The following GABRA3 variants were observed in gnomAD, a reference collection of about 807,000 sequenced individuals.
GABRA3 encodes the protein gamma-aminobutyric acid receptor subunit alpha-3.
In GABRA3, 10 loss-of-function variants were observed where a neutral mutation model predicts 30.1. The ratio of observed to expected loss-of-function variants is 0.33; its 90% CI spans 0.20 to 0.56. The LOEUF (loss-of-function observed/expected upper bound fraction) is 0.56, where lower values mean the gene tolerates loss of function less well. Ranked by LOEUF, GABRA3 falls within the 20% of genes least tolerant of loss-of-function variation. The pLI, the probability that GABRA3 is intolerant of heterozygous loss-of-function variation, is 0.89. For synonymous variants in GABRA3, 151 were observed against 146.8 expected (o/e 1.03, Z -0.21); for missense variants, 233 against 392.0 (o/e 0.59, Z 3.42).
At chrX:152,324,720 A>C (rs1282668194) in intron 3 of GABRA3, among the ~76,000 whole-genome samples, 1 of 111,942 alleles carries the variant, frequency 8.9e-6, no homozygotes, top group Non-Finnish European at 1.9e-5. Context: ...CAATACATTG[A>C]ATAAAAGAAA....
intron 4 of GABRA3, among the ~76,000 whole-genome samples, chrX:152,258,134 A>T (rs935353723): frequency 1.8e-5 from 2 of 112,119 alleles, no homozygotes; most frequent in South Asian, 7.4e-4. Flanking sequence ...ACTTCATATA[A>T]CATAATTATC....
intron 3 of GABRA3, among the ~76,000 whole-genome samples, chrX:152,343,654 G>C: frequency 9.0e-6 from 1 of 110,986 alleles, no homozygotes; most frequent in Middle Eastern, 4.7e-3. Context: ...CAATTAATTT[G>C]TGACTGGTCT....
intron 1 of GABRA3, among the ~76,000 whole-genome samples, chrX:152,383,740 G>A (rs1415272334): frequency 1.9e-5 from 2 of 107,615 alleles, no homozygotes; most frequent in African/African-American, 6.7e-5. Flanking sequence ...CAAACCTGCA[G>A]CTAACATCAT....
At chrX:152,287,528 G>C (rs918608381) in intron 3 of GABRA3, among the ~76,000 whole-genome samples, 40 of 111,503 alleles carry the variant, frequency 3.6e-4, no homozygotes, top group African/African-American at 1.3e-3. Context: ...CACAGTGATT[G>C]TAAGTTTCTT....
rs573955135 is a variant in GABRA3 at position 152,415,737 on chromosome X, G to C, written c.-27+35409C>G. On this transcript the variant is annotated intron_variant, in intron 1 of 9. Coordinates refer to ENST00000370314, the MANE Select transcript of GABRA3 (RefSeq NM_000808.4). Reference sequence around the variant, plus strand: ...GGTGACTCTAAGTAAAAAGTTTATAGGTCTCTATGTACTTCCCATGAGTTT... The same window carrying C: ...GGTGACTCTAAGTAAAAAGTTTATACGTCTCTATGTACTTCCCATGAGTTT... Among the ~76,000 whole-genome samples the C allele has an allele frequency of 2.7e-5, 3 of 111,157 alleles. No individual in the cohort carries two copies. In the East Asian group the frequency reaches 8.5e-4, roughly 31 times the overall value.
chrX:152,185,405 C>T (rs759451251), intron 9 of GABRA3, among the ~76,000 whole-genome samples: 7 of 111,382 alleles, frequency 6.3e-5, no homozygotes, highest in Non-Finnish European at 1.3e-4. Context: ...AAAATTTTAG[C>T]ACTTTTTAAA....
chrX:152,390,293 C>G (rs1040563293), intron 1 of GABRA3, among the ~76,000 whole-genome samples: 1 of 111,648 alleles, frequency 9.0e-6, no homozygotes, highest in African/African-American at 3.3e-5. Flanking sequence ...CAGAAACTGA[C>G]AGCAATGACA....
chrX:152,291,647 T>G (rs1939420244), intron 3 of GABRA3, among the ~76,000 whole-genome samples: 2 of 111,498 alleles, frequency 1.8e-5, no homozygotes, highest in South Asian at 7.5e-4. Context: ...TGGCTGTGGG[T>G]TTGTCATAAA....
chrX:152,287,197 G>A (rs1057075574), intron 3 of GABRA3, among the ~76,000 whole-genome samples: 1 of 112,120 alleles, frequency 8.9e-6, no homozygotes, highest in Admixed American at 9.5e-5. Flanking sequence ...CAACATGGTT[G>A]TAAAATTGTA....
intron 1 of GABRA3, among the ~76,000 whole-genome samples, chrX:152,432,599 G>A (rs1930673688): frequency 9.0e-6 from 1 of 110,797 alleles, no homozygotes; most frequent in Non-Finnish European, 1.9e-5. Context: ...ATTGAACCAG[G>A]AGGCTAAACA....
At chrX:152,420,962 T>C (rs1222153402) in intron 1 of GABRA3, among the ~76,000 whole-genome samples, 1 of 109,960 alleles carries the variant, frequency 9.1e-6, no homozygotes, top group African/African-American at 3.3e-5. Flanking sequence ...CCACCATGAT[T>C]GTAAGTTTCC....
chrX:152,173,994 T>C (rs1937038839), intron 9 of GABRA3, among the ~76,000 whole-genome samples: 1 of 109,673 alleles, frequency 9.1e-6, no homozygotes, highest in African/African-American at 3.3e-5. Flanking sequence ...CCTGTGCCCA[T>C]GTGTTCTCAT....
At chrX:152,281,651 C>T (rs761923623) in intron 4 of GABRA3, among the ~76,000 whole-genome samples, 2 of 112,184 alleles carry the variant, frequency 1.8e-5, no homozygotes, top group Non-Finnish European at 3.8e-5. Context: ...GGAGAAGCCA[C>T]CAAACCTAGT....
chrX:152,168,390 C>A lies in GABRA3; in HGVS notation c.1317G>T (p.Val439=). 4 of 1,211,974 alleles carry A rather than the reference C, an allele frequency of 3.3e-6. No homozygotes were observed. The highest frequency in any genetic ancestry group is 4.5e-6 in the Non-Finnish European group (4 of 895,592). Residue 439 remains valine (V), a synonymous_variant, in exon 10 of 10, where the codon GTG becomes GTT. Coordinates refer to ENST00000370314, the MANE Select transcript of GABRA3 (RefSeq NM_000808.4). ...TIIASPKATY[V]QDSPTETKTY... ...TCTTGGTCTCAGTCGGGCTGTCCTG[C>A]ACGTAGGTGGCCTTGGGTGAAGCAA...
intron 1 of GABRA3, chrX:152,394,606 T>C (rs1462438713): frequency 3.4e-6 from 1 of 296,875 alleles, no homozygotes; most frequent in Non-Finnish European, 6.9e-6. Context: ...TTAATATACA[T>C]AGTACAAAAT....
At chrX:152,270,992 G>A (rs1460911639) in intron 4 of GABRA3, among the ~76,000 whole-genome samples, 12 of 104,720 alleles carry the variant, frequency 1.1e-4, no homozygotes, top group Admixed American at 7.2e-4. Flanking sequence ...AGAAAGCCTC[G>A]CTTTTGTCCC....
At chrX:152,225,691 T>A (rs1003931767) in intron 5 of GABRA3, among the ~76,000 whole-genome samples, 6 of 109,440 alleles carry the variant, frequency 5.5e-5, no homozygotes, top group African/African-American at 1.0e-4. Context: ...TTTTTTTTTT[T>A]ATTTTTTTCA....
chrX:152,188,761 C>A (rs988127050), intron 9 of GABRA3, among the ~76,000 whole-genome samples: 1 of 111,637 alleles, frequency 9.0e-6, no homozygotes, highest in Non-Finnish European at 1.9e-5. Flanking sequence ...TACATATTTT[C>A]TCCTAATTTG....
chrX:152,320,064 T>C (rs748636618), intron 3 of GABRA3, among the ~76,000 whole-genome samples: 1 of 107,705 alleles, frequency 9.3e-6, no homozygotes, highest in Non-Finnish European at 1.9e-5. Context: ...ATCAAAAACA[T>C]AAAAAAAAAG....
Sources: allele counts gnomAD v4.1 joint callset (sites outside exome capture counted in the v4.1 genomes callset), GRCh38; gene constraint gnomAD v4.1.1; transcripts MANE v1.5; gene names NCBI Gene and HGNC (gene_info 2026-07-23, HGNC 2026-07-21).